Variants in ANKS1B observed in about 807,000 individuals in gnomAD.
The protein encoded by ANKS1B is ankyrin repeat and sterile alpha motif domain-containing protein 1B.
A neutral mutation model predicts 148.3 loss-of-function variants in ANKS1B; 36 were observed. That is an observed-to-expected ratio of 0.24 (90% CI 0.19 to 0.32). The LOEUF (loss-of-function observed/expected upper bound fraction) is 0.32. Ranked by LOEUF, ANKS1B falls within the 10% of genes least tolerant of loss-of-function variation. The pLI, the probability that ANKS1B is intolerant of heterozygous loss-of-function variation, is 1.00. For missense variants in ANKS1B, 1,157 were observed against 1,542.6 expected (o/e 0.75, Z 4.19); for synonymous variants, 542 against 560.8 (o/e 0.97, Z 0.47).
At chr12:99,771,131 C>A (rs1298359494) in intron 8 of ANKS1B, among the ~76,000 whole-genome samples, 1 of 152,088 alleles carries the variant, frequency 6.6e-6, no homozygotes, top group African/African-American at 2.4e-5. Flanking sequence ...GCAGCACATA[C>A]AGACCCCAGG....
chr12:99,529,147 C>T (rs1317866640), intron 9 of ANKS1B, among the ~76,000 whole-genome samples: 1 of 151,912 alleles, frequency 6.6e-6, no homozygotes, highest in African/African-American at 2.4e-5. Context: ...GAAAACATGC[C>T]AAATGTCAGG....
intron 17 of ANKS1B, among the ~76,000 whole-genome samples, chr12:98,990,012 GAAAGAAAGAA>G (rs1017819797): frequency 2.0e-5 from 3 of 151,812 alleles, no homozygotes; most frequent in African/African-American, 4.8e-5. Flanking sequence ...AAGGAAGAAA[GAAAGAAAGAA>G]AAAGAAAGAA....
chr12:99,571,032 T>G (rs2097449959), intron 9 of ANKS1B, among the ~76,000 whole-genome samples: 1 of 152,126 alleles, frequency 6.6e-6, no homozygotes, highest in African/African-American at 2.4e-5. Context: ...CAAACTAAAT[T>G]TTTATGTTAA....
At chr12:99,738,195 G>T (rs948099663) in intron 8 of ANKS1B, among the ~76,000 whole-genome samples, 3 of 152,078 alleles carry the variant, frequency 2.0e-5, no homozygotes, top group Non-Finnish European at 4.4e-5. Flanking sequence ...GCTCAGATTG[G>T]CAAAAGACCA....
At chr12:99,524,298 A>C (rs898918122) in intron 9 of ANKS1B, among the ~76,000 whole-genome samples, 2 of 152,204 alleles carry the variant, frequency 1.3e-5, no homozygotes, top group African/African-American at 4.8e-5. Context: ...CCATGGGGGA[A>C]GGAGCATCAC....
At chr12:98,762,536 C>A (rs1297663442) in intron 25 of ANKS1B, among the ~76,000 whole-genome samples, 1 of 152,216 alleles carries the variant, frequency 6.6e-6, no homozygotes, top group African/African-American at 2.4e-5. Context: ...AAATGCTATT[C>A]CAAATGGCCA....
chr12:99,024,133 AT>A (rs1402092706), intron 17 of ANKS1B, among the ~76,000 whole-genome samples: 1 of 151,700 alleles, frequency 6.6e-6, no homozygotes, highest in South Asian at 2.1e-4. Flanking sequence ...CTTTATTCTC[AT>A]TTCCCACTTA....
chr12:99,929,014 G>A (rs2094545268), intron 1 of ANKS1B, among the ~76,000 whole-genome samples: 2 of 152,150 alleles, frequency 1.3e-5, no homozygotes, highest in South Asian at 4.1e-4. Flanking sequence ...TCACAGATTG[G>A]AAAGGTTAGA....
chr12:99,182,738 C>T (rs1056749131), intron 14 of ANKS1B, among the ~76,000 whole-genome samples: 20 of 152,134 alleles, frequency 1.3e-4, no homozygotes, highest in Non-Finnish European at 4.4e-5. Context: ...AACCTCCAAA[C>T]CGTTCTGCAT....
intron 10 of ANKS1B, among the ~76,000 whole-genome samples, chr12:99,488,354 T>G (rs570373996): frequency 3.3e-4 from 51 of 152,318 alleles, no homozygotes; most frequent in African/African-American, 1.2e-3. Flanking sequence ...TCTTCTTTGC[T>G]TCACTCTTTT....
intron 1 of ANKS1B, among the ~76,000 whole-genome samples, chr12:99,964,041 C>T (rs534110972): frequency 1.3e-5 from 2 of 152,206 alleles, no homozygotes; most frequent in African/African-American, 4.8e-5. Flanking sequence ...TAAAGAAAGA[C>T]CTTCAGCTAA....
At chr12:99,943,449 T>C (rs1275346936) in intron 1 of ANKS1B, among the ~76,000 whole-genome samples, 3 of 152,194 alleles carry the variant, frequency 2.0e-5, no homozygotes, top group Admixed American at 6.5e-5. Flanking sequence ...AATAAAGATA[T>C]ACACAACACT....
chr12:99,895,426 C>CGT (rs3054221), intron 1 of ANKS1B, among the ~76,000 whole-genome samples: 51,395 of 148,942 alleles, frequency 0.35, 10,784 homozygotes, highest in Middle Eastern at 0.45. Flanking sequence ...ACCCCCAACC[C>CGT]GTGTGTGTGT....
At chr12:99,233,811 T>TATTA (rs2087325837) in intron 14 of ANKS1B, among the ~76,000 whole-genome samples, 1 of 152,148 alleles carries the variant, frequency 6.6e-6, no homozygotes, top group Non-Finnish European at 1.5e-5. Flanking sequence ...AACTAGTTGA[T>TATTA]GACCCATAGA....
chr12:99,104,280 G>A (rs1363095286), intron 15 of ANKS1B, among the ~76,000 whole-genome samples: 3 of 152,166 alleles, frequency 2.0e-5, no homozygotes, highest in African/African-American at 4.8e-5. Flanking sequence ...TGTTGGGGGA[G>A]TGAGGTTGTG....
In ANKS1B at chr12:98,807,543, T is replaced by C. The variant is rs147655773; in HGVS notation, c.3141+301A>G. On this transcript the variant is annotated intron_variant, in intron 20 of 26. Transcript: ENST00000683438. ...ATATATATATATCAATTTACCCTTT[T>C]CTTTTTCCTGTAAAAGCAAGTTTAA... 2.8e-4 allele frequency among the ~76,000 whole-genome samples: 42 copies of C among 152,186 alleles called. 1 individual carries two copies. The highest frequency in any genetic ancestry group is 9.9e-4 in the African/African-American group (41 of 41,434).
At chr12:99,712,122 C>G (rs2056722222) in intron 8 of ANKS1B, among the ~76,000 whole-genome samples, 1 of 152,182 alleles carries the variant, frequency 6.6e-6, no homozygotes, top group Admixed American at 6.5e-5. Context: ...CCTGTTCGCA[C>G]TTACAAGTGG....
At position 99,736,716 on chromosome 12, in the gene ANKS1B, GCTT is replaced by G. The variant is rs141600680; in HGVS notation, c.1128+36203_1128+36205del. Among the ~76,000 whole-genome samples the G allele has an allele frequency of 4.6e-3, 697 of 152,156 alleles. 8 individuals carry two copies. Among genetic ancestry groups the G allele is most frequent in the Non-Finnish European group, 3.9e-3 (263 of 67,956 alleles). ...AAATGGAATTACATTAAACTAAAAA[GCTT>G]CTGCACAGCAAAGGAAACAATCAAC... On this transcript the variant is annotated intron_variant, in intron 8 of 26. Transcript: ENST00000683438.
At position 99,812,163 on chromosome 12, in the gene ANKS1B, T is replaced by C. The variant is rs751050246; in HGVS notation, c.364A>G (p.Asn122Asp). The C allele has an allele frequency of 1.9e-6, 3 of 1,610,808 alleles. No individual in the cohort carries two copies. The highest frequency in any genetic ancestry group is 2.5e-6 in the Non-Finnish European group (3 of 1,177,862). ...ACATTTGGCAAGTGCACCTGTTCAT[T>C]GACCCTGGAATGTGATGGTCCATGA... ...IHHGPSHSRVNEQNNENETAL... is the reference protein window; with the variant it reads ...IHHGPSHSRVDEQNNENETAL... Residue 122 changes from asparagine to aspartate, a missense_variant, in exon 3 of 27, where the codon AAT becomes GAT. Around this residue, in one of 6 missense-constraint regions of ANKS1B, gnomAD observed 164 missense variants for 232.6 expected, o/e 0.71. Coordinates refer to ENST00000683438, the MANE Select transcript of ANKS1B (RefSeq NM_001352186.2).
Sources: gnomAD v4.1 joint callset for allele counts (sites outside exome capture counted in the v4.1 genomes callset) on GRCh38, gnomAD v4.1.1 for gene constraint, gnomAD v4.1.1 regional missense constraint, MANE v1.5 for transcripts, NCBI Gene and HGNC (gene_info 2026-07-23, HGNC 2026-07-21) for gene names.